The following EFL1 variants were observed in gnomAD, a reference collection of about 807,000 sequenced individuals.
EFL1 encodes the protein elongation factor-like GTPase 1.
A neutral mutation model predicts 126.7 loss-of-function variants in EFL1; 76 were observed. The observed-to-expected ratio is 0.60, with a 90% CI of 0.50 to 0.73. EFL1 has a LOEUF of 0.73. Ranked by LOEUF, EFL1 falls within the 30% of genes least tolerant of loss-of-function variation. The pLI is 0.00. For missense variants in EFL1, 1,128 were observed against 1,343.2 expected, an observed-to-expected ratio of 0.84 and a Z score of 2.50; for synonymous variants, 410 against 448.4, an observed-to-expected ratio of 0.91 and a Z score of 1.08.
At chr15:82,208,566 G>C (rs1215032069) in intron 15 of EFL1, among the ~76,000 whole-genome samples, 1 of 152,112 alleles carries the variant, frequency 6.6e-6, no homozygotes, top group Non-Finnish European at 1.5e-5. Flanking sequence ...TATAATGCAA[G>C]AAAAGTCTGG....
At chr15:82,224,592 C>A (rs1339246110) in intron 12 of EFL1, among the ~76,000 whole-genome samples, 3 of 152,092 alleles carry the variant, frequency 2.0e-5, no homozygotes, top group Non-Finnish European at 4.4e-5. Context: ...GCAGGAGAAC[C>A]AGCTAGGAGG....
intron 18 of EFL1, 92 bp downstream of exon 18, chr15:82,151,373 A>ATG (rs1290926377): frequency 5.6e-6 from 7 of 1,251,286 alleles, no homozygotes; most frequent in Non-Finnish European, 7.8e-6. Flanking sequence ...GGGCGACAGA[A>ATG]TGAGACCCTG....
intron 18 of EFL1, among the ~76,000 whole-genome samples, chr15:82,150,637 C>T (rs1452227320): frequency 6.6e-6 from 1 of 152,152 alleles, no homozygotes; most frequent in Non-Finnish European, 1.5e-5. Context: ...CTTCATGTCT[C>T]CTGGGATCTT....
At chr15:82,230,139 C>T (rs564262505) in intron 8 of EFL1, among the ~76,000 whole-genome samples, 142 of 152,182 alleles carry the variant, frequency 9.3e-4, no homozygotes, top group African/African-American at 3.3e-3. Flanking sequence ...CAGCATATCT[C>T]AACTGAGGGA....
At chr15:82,202,974 G>A (rs748962138) in intron 15 of EFL1, among the ~76,000 whole-genome samples, 1 of 151,966 alleles carries the variant, frequency 6.6e-6, no homozygotes, top group Non-Finnish European at 1.5e-5. Context: ...ACCACACCTG[G>A]CTAATTTTTG....
At chr15:82,232,196 C>CT (rs1304577435) in intron 7 of EFL1, among the ~76,000 whole-genome samples, 1 of 152,110 alleles carries the variant, frequency 6.6e-6, no homozygotes, top group Non-Finnish European at 1.5e-5. Flanking sequence ...TAGAAGGGAG[C>CT]CCTATTTGTT....
intron 18 of EFL1, among the ~76,000 whole-genome samples, chr15:82,141,978 T>A (rs1256429568): frequency 6.6e-6 from 1 of 152,204 alleles, no homozygotes; most frequent in African/African-American, 2.4e-5. Context: ...TCACCAAGCA[T>A]AGGAAAATAC....
At chr15:82,180,372 A>C (rs867540683) in intron 15 of EFL1, among the ~76,000 whole-genome samples, 3,358 of 99,000 alleles carry the variant, frequency 0.034, 64 homozygotes, top group African/African-American at 0.061. Context: ...AAAAAAAAAA[A>C]CAAAAAAAAA....
At chr15:82,191,140 C>T (rs2141271237) in intron 15 of EFL1, among the ~76,000 whole-genome samples, 1 of 152,106 alleles carries the variant, frequency 6.6e-6, no homozygotes, top group African/African-American at 2.4e-5. Context: ...TTCTCCTTGG[C>T]TACTTCCCTA....
At chr15:82,134,771 T>C (rs2073702719) in intron 19 of EFL1, among the ~76,000 whole-genome samples, 1 of 152,262 alleles carries the variant, frequency 6.6e-6, no homozygotes, top group Non-Finnish European at 1.5e-5. Flanking sequence ...TTTCTGTGTC[T>C]GTTATTAGCT....
chr15:82,153,331 C>G (rs571070382), intron 17 of EFL1, among the ~76,000 whole-genome samples: 9 of 152,016 alleles, frequency 5.9e-5, no homozygotes, highest in Non-Finnish European at 1.3e-4. Flanking sequence ...GTTTTTAAAA[C>G]TACTTTGATA....
rs78472123 is a variant in EFL1, at chr15:82,169,298, T to A, written c.1751-5314A>T. Reference sequence around the variant, plus strand: ...GGATCTACCCACACTCACAACTGTATCATTTTCCTGGTGAGAATGAAGCTC... The same window carrying A: ...GGATCTACCCACACTCACAACTGTAACATTTTCCTGGTGAGAATGAAGCTC... On this transcript the variant is annotated intron_variant, in intron 15 of 19. Transcript: ENST00000268206. Among the ~76,000 whole-genome samples, 1,001 of 152,274 alleles carry A rather than the reference T, an allele frequency of 6.6e-3. 10 individuals carry two copies. The highest frequency in any genetic ancestry group is 0.023 in the African/African-American group (936 of 41,560).
chr15:82,164,014 T>G, intron 15 of EFL1, 30 bp from the exon 16 acceptor site: 5 of 1,606,528 alleles, frequency 3.1e-6, no homozygotes, highest in Non-Finnish European at 4.3e-6. Context: ...ATACGGTCAA[T>G]AAGGGATGAT....
At chr15:82,228,424 G>A in intron 9 of EFL1, 97 bp from the exon 10 acceptor site, 1 of 1,428,616 alleles carries the variant, frequency 7.0e-7, no homozygotes, top group Non-Finnish European at 9.3e-7. Context: ...ACCCTAATGT[G>A]TTACTTTTTC....
chr15:82,213,657 A>C (rs2074612102), intron 15 of EFL1, among the ~76,000 whole-genome samples: 1 of 152,204 alleles, frequency 6.6e-6, no homozygotes, highest in African/African-American at 2.4e-5. Flanking sequence ...TGTTCCATTT[A>C]ATTTGAGCAA....
At chr15:82,252,183 T>G (rs111850937) in intron 4 of EFL1, among the ~76,000 whole-genome samples, 76 of 152,356 alleles carry the variant, frequency 5.0e-4, no homozygotes, top group African/African-American at 1.7e-3. Flanking sequence ...CAGGTTGTTG[T>G]TATTTTTTTC....
At chr15:82,238,642 T>C in intron 6 of EFL1, 121 bp from the exon 7 acceptor site, 2 of 774,294 alleles carry the variant, frequency 2.6e-6, no homozygotes, top group Non-Finnish European at 4.2e-6. Context: ...TCATTAAGCA[T>C]ACATGAATGG....
rs1330065864 is a variant in EFL1 at position 82,152,194 on chromosome 15, G to A, written c.2260C>T (p.Arg754Ter). The change falls in exon 18 of 20, where the codon CGA becomes TGA. Residue 754 changes from arginine to a stop codon, truncating the protein, a stop_gained. Transcript: ENST00000268206. LOFTEE classifies it high-confidence loss of function. ...TPNKLATLSV[R>*]AMPLPEEVTQ... ...ACTTCTTCTGGAAGGGGCATGGCTCGAACACTGAGCGTGGCAAGTTTATTG... is the reference window on the plus strand; with the variant it reads ...ACTTCTTCTGGAAGGGGCATGGCTCAAACACTGAGCGTGGCAAGTTTATTG... 6.8e-6 allele frequency: 11 copies of A among 1,614,110 alleles called. No individual in the cohort carries two copies. Among genetic ancestry groups the A allele is most frequent in the Non-Finnish European group, 8.5e-6 (10 of 1,180,020 alleles).
At chr15:82,210,054 CT>C (rs1359049409) in intron 15 of EFL1, among the ~76,000 whole-genome samples, 6 of 152,170 alleles carry the variant, frequency 3.9e-5, no homozygotes, top group African/African-American at 1.4e-4. Context: ...GGAATTACAA[CT>C]TTTTCTCAAA....
Sources: allele counts gnomAD v4.1 joint callset (sites outside exome capture counted in the v4.1 genomes callset), GRCh38; gene constraint gnomAD v4.1.1; transcripts MANE v1.5; gene names NCBI Gene and HGNC (gene_info 2026-07-23, HGNC 2026-07-21).